SIPA1L2: variants seen among roughly 807,000 people sequenced by gnomAD.
SIPA1L2 encodes signal-induced proliferation-associated 1-like protein 2.
Under a neutral mutation model 163.9 loss-of-function variants are expected in SIPA1L2, and 56 were observed. That is an observed-to-expected ratio of 0.34 (90% CI 0.28 to 0.43). The LOEUF (loss-of-function observed/expected upper bound fraction) is 0.43. SIPA1L2 is among the 20% of genes least tolerant of loss of function. SIPA1L2 has a pLI of 1.00. For missense variants in SIPA1L2, 1,974 were observed against 2,193.5 expected, an observed-to-expected ratio of 0.90 and a Z score of 2.00; for synonymous variants, 877 against 865.7, an observed-to-expected ratio of 1.01 and a Z score of -0.23.
chr1:232,413,398 C>A (rs191242604), intron 19 of SIPA1L2, among the ~76,000 whole-genome samples: 1 of 151,890 alleles, frequency 6.6e-6, no homozygotes. Flanking sequence ...CTTCTCTAAT[C>A]CCCTGGAAAA....
chr1:232,491,518 A>G (rs1036951473), intron 4 of SIPA1L2, among the ~76,000 whole-genome samples: 9 of 152,058 alleles, frequency 5.9e-5, no homozygotes, highest in Non-Finnish European at 1.2e-4. Flanking sequence ...TTCCATAATG[A>G]CCATTCCCGA....
intron 4 of SIPA1L2, 65 bp from the exon 5 acceptor site, chr1:232,491,127 T>C: frequency 2.1e-6 from 3 of 1,419,370 alleles, no homozygotes; most frequent in Non-Finnish European, 2.9e-6. Context: ...ACAGCCTAAC[T>C]GTTTGGCTGC....
chr1:232,512,916 G>C (rs2103041511), intron 3 of SIPA1L2, among the ~76,000 whole-genome samples: 1 of 152,214 alleles, frequency 6.6e-6, no homozygotes, highest in East Asian at 1.9e-4. Flanking sequence ...CCCACCCTCT[G>C]CCTCCTCAGG....
chr1:232,440,740 G>C (rs1241033044), intron 14 of SIPA1L2, among the ~76,000 whole-genome samples: 5 of 152,176 alleles, frequency 3.3e-5, no homozygotes, highest in African/African-American at 7.2e-5. Context: ...CATTTCAATG[G>C]AAGTTTTGTT....
At chr1:232,581,418 T>G (rs1426059803) in intron 1 of SIPA1L2, among the ~76,000 whole-genome samples, 3 of 152,240 alleles carry the variant, frequency 2.0e-5, no homozygotes, top group East Asian at 1.9e-4. Flanking sequence ...AGGGCTGTTA[T>G]GCAGAGCTCA....
chr1:232,608,448 C>T (rs1388991498), intron 1 of SIPA1L2, among the ~76,000 whole-genome samples: 20 of 152,164 alleles, frequency 1.3e-4, no homozygotes, highest in Admixed American at 1.3e-3. Context: ...GAGGAAAGAC[C>T]ACCTGCAAAT....
chr1:232,549,395 AG>A (rs1221164617), intron 2 of SIPA1L2, among the ~76,000 whole-genome samples: 2 of 152,350 alleles, frequency 1.3e-5, no homozygotes, highest in East Asian at 3.9e-4. Context: ...AATCCCAAAG[AG>A]GAGATCTGAA....
intron 2 of SIPA1L2, among the ~76,000 whole-genome samples, chr1:232,538,663 C>A (rs1485873173): frequency 6.7e-6 from 1 of 149,252 alleles, no homozygotes; most frequent in African/African-American, 2.5e-5. Flanking sequence ...CTTAAAGTCC[C>A]CCAGGCTTAG....
intron 3 of SIPA1L2, among the ~76,000 whole-genome samples, chr1:232,504,169 T>C (rs1337444624): frequency 1.3e-5 from 2 of 151,548 alleles, no homozygotes; most frequent in Non-Finnish European, 1.5e-5. Flanking sequence ...GCCACTGCAC[T>C]CCAGCCTATG....
At chr1:232,572,777 A>ATATATT (rs1659865668) in intron 2 of SIPA1L2, among the ~76,000 whole-genome samples, 2 of 72,032 alleles carry the variant, frequency 2.8e-5, no homozygotes, top group African/African-American at 3.9e-5. Flanking sequence ...ATATATATAT[A>ATATATT]TATTTATTTA....
chr1:232,535,270 T>C (rs961195572), intron 2 of SIPA1L2, among the ~76,000 whole-genome samples: 8 of 152,284 alleles, frequency 5.3e-5, no homozygotes, highest in Non-Finnish European at 1.0e-4. Context: ...CTGTCATAAT[T>C]TAAAGTCTCT....
At chr1:232,423,656 G>A (rs1221779785) in intron 18 of SIPA1L2, among the ~76,000 whole-genome samples, 3 of 152,160 alleles carry the variant, frequency 2.0e-5, no homozygotes, top group Non-Finnish European at 4.4e-5. Flanking sequence ...GACAAGTGAG[G>A]CAGTTTTCAG....
intron 1 of SIPA1L2, among the ~76,000 whole-genome samples, chr1:232,624,238 T>G (rs1385526030): frequency 1.3e-5 from 2 of 152,198 alleles, no homozygotes; most frequent in African/African-American, 2.4e-5. Context: ...CCACTGTTTC[T>G]TGCATTAGGC....
chr1:232,489,494 G>GGT (rs1553298799), intron 5 of SIPA1L2, among the ~76,000 whole-genome samples: 5 of 140,950 alleles, frequency 3.5e-5, no homozygotes, highest in Admixed American at 1.4e-4. Context: ...TTTAGAGTAT[G>GGT]GTTTTTTTTT....
At chr1:232,619,446 T>G (rs1310712143) in intron 1 of SIPA1L2, among the ~76,000 whole-genome samples, 1 of 152,240 alleles carries the variant, frequency 6.6e-6, no homozygotes, top group African/African-American at 2.4e-5. Context: ...GGCAGTGCAT[T>G]CATCACCTAA....
chr1:232,526,174 C>T (rs1233713631), intron 2 of SIPA1L2, among the ~76,000 whole-genome samples: 2 of 152,168 alleles, frequency 1.3e-5, no homozygotes, highest in Non-Finnish European at 2.9e-5. Flanking sequence ...ATACTGAACG[C>T]CAGTTAAAGT....
intron 2 of SIPA1L2, among the ~76,000 whole-genome samples, chr1:232,519,619 T>C (rs1667373907): frequency 1.3e-5 from 2 of 152,214 alleles, no homozygotes; most frequent in South Asian, 4.1e-4. Context: ...CATTTTGTCA[T>C]TCTAACAGAT....
At chr1:232,542,408 G>A (rs766480673) in intron 2 of SIPA1L2, among the ~76,000 whole-genome samples, 41 of 152,128 alleles carry the variant, frequency 2.7e-4, no homozygotes, top group Non-Finnish European at 5.4e-4. Flanking sequence ...TATGCAAAGT[G>A]CACTCTCATA....
chr1:232,532,149 T>C lies in SIPA1L2; in HGVS notation c.-269-16541A>G, dbSNP rs549769935. On this transcript the variant is annotated intron_variant, in intron 2 of 22. Transcript: ENST00000674635. ...CTGCAATAATCCAGGCAAGAGAGGG[T>C]GATGGGGTCTTGAACCAAGTGGCAG... 1.7e-3 allele frequency among the ~76,000 whole-genome samples: 261 copies of C among 151,612 alleles called. 2 individuals carry two copies. Among genetic ancestry groups the C allele is most frequent in the Non-Finnish European group, 3.0e-3 (205 of 67,868 alleles).
Sources: gnomAD v4.1 joint callset for allele counts (sites outside exome capture counted in the v4.1 genomes callset) on GRCh38, gnomAD v4.1.1 for gene constraint, MANE v1.5 for transcripts, NCBI Gene and HGNC (gene_info 2026-07-23, HGNC 2026-07-21) for gene names.